Variants in CDH12 observed in about 807,000 individuals in gnomAD.
CDH12 encodes cadherin-12.
A neutral mutation model predicts 74.1 loss-of-function variants in CDH12; 41 were observed. That is an observed-to-expected ratio of 0.55 (90% CI 0.43 to 0.72). CDH12 has a LOEUF of 0.72. Ranked by LOEUF, CDH12 falls within the 30% of genes least tolerant of loss-of-function variation. CDH12 has a pLI of 0.00. For missense variants in CDH12, 945 were observed against 977.2 expected, an observed-to-expected ratio of 0.97 and a Z score of 0.44; for synonymous variants, 399 against 355.0, an observed-to-expected ratio of 1.12 and a Z score of -1.39.
At chr5:22,516,449 A>T (rs1736810216) in intron 1 of CDH12, among the ~76,000 whole-genome samples, 1 of 152,158 alleles carries the variant, frequency 6.6e-6, no homozygotes, top group African/African-American at 2.4e-5. Context: ...TAATCTATTG[A>T]TATTGGTAGT....
chr5:21,808,782 C>T (rs16888360), intron 9 of CDH12, among the ~76,000 whole-genome samples: 11,480 of 152,004 alleles, frequency 0.076, 554 homozygotes, highest in East Asian at 0.16. Context: ...CATATCTCAT[C>T]ATCATTGACA....
chr5:22,012,016 A>C (rs968103529), intron 5 of CDH12, among the ~76,000 whole-genome samples: 1 of 152,140 alleles, frequency 6.6e-6, no homozygotes, highest in Non-Finnish European at 1.5e-5. Context: ...GTATTATTGA[A>C]GTGCAGATTA....
At chr5:22,003,824 CAAAAAA>C (rs775995801) in intron 5 of CDH12, among the ~76,000 whole-genome samples, 14 of 47,398 alleles carry the variant, frequency 3.0e-4, no homozygotes, top group African/African-American at 7.6e-4. Context: ...CCCGCTTCCA[CAAAAAA>C]AAAAAAAAAA....
rs144082177 is a variant in CDH12, at chr5:22,718,180, G to A, written c.-523+134878C>T. On this transcript the variant is annotated intron_variant, in intron 1 of 14. Transcript: ENST00000382254. ...TCAGTTTAGGTATTGAGAAAGTAAT[G>A]TAAATATCCAGTTATAGAATTTAGA... 2.8e-4 allele frequency among the ~76,000 whole-genome samples: 43 copies of A among 152,298 alleles called. No individual in the cohort carries two copies. The East Asian group carries it at 5.0e-3, about 18-fold the overall frequency.
At chr5:22,493,133 TC>T (rs1441144717) in intron 2 of CDH12, among the ~76,000 whole-genome samples, 1 of 152,236 alleles carries the variant, frequency 6.6e-6, no homozygotes, top group Non-Finnish European at 1.5e-5. Context: ...CATCGTGGAT[TC>T]CTCTCAGTTA....
At chr5:22,698,411 G>A (rs1193388212) in intron 1 of CDH12, among the ~76,000 whole-genome samples, 4 of 151,248 alleles carry the variant, frequency 2.6e-5, no homozygotes, top group Admixed American at 1.3e-4. Context: ...GTGAGCCACC[G>A]TGTCTGGCCA....
At chr5:22,530,006 C>T (rs529643215) in intron 1 of CDH12, among the ~76,000 whole-genome samples, 1 of 152,146 alleles carries the variant, frequency 6.6e-6, no homozygotes, top group African/African-American at 2.4e-5. Flanking sequence ...TGAAATTAAG[C>T]TTAGGATTCC....
chr5:22,434,531 A>G (rs1419353559), intron 2 of CDH12, among the ~76,000 whole-genome samples: 2 of 152,086 alleles, frequency 1.3e-5, no homozygotes, highest in African/African-American at 4.8e-5. Flanking sequence ...CTCCAAAATG[A>G]TTTTCATACC....
intron 1 of CDH12, among the ~76,000 whole-genome samples, chr5:22,600,417 T>C (rs1736802984): frequency 6.6e-6 from 1 of 152,152 alleles, no homozygotes; most frequent in Admixed American, 6.5e-5. Context: ...ATCTCTAGTT[T>C]TAGCAAGTAT....
chr5:21,895,726 G>C (rs577851358), intron 6 of CDH12, among the ~76,000 whole-genome samples: 1 of 152,270 alleles, frequency 6.6e-6, no homozygotes, highest in South Asian at 2.1e-4. Flanking sequence ...CTACCATTCT[G>C]GAGAGAATCT....
intron 1 of CDH12, among the ~76,000 whole-genome samples, chr5:22,740,976 G>A (rs989334997): frequency 2.0e-5 from 3 of 152,072 alleles, no homozygotes; most frequent in African/African-American, 7.2e-5. Flanking sequence ...GAAACAATAG[G>A]GGATTTCAAG....
chr5:21,980,346 T>C (rs1421038750), intron 5 of CDH12, among the ~76,000 whole-genome samples: 3 of 152,062 alleles, frequency 2.0e-5, no homozygotes, highest in Non-Finnish European at 4.4e-5. Flanking sequence ...AGTTACCACA[T>C]ATGGCTCTTA....
At chr5:22,592,651 C>T (rs546237363) in intron 1 of CDH12, among the ~76,000 whole-genome samples, 151 of 151,938 alleles carry the variant, frequency 9.9e-4, no homozygotes, top group African/African-American at 3.4e-3. Context: ...ACCTTTATTG[C>T]TTCATTTTTA....
At chr5:22,154,210 T>A (rs1747843824) in intron 4 of CDH12, among the ~76,000 whole-genome samples, 1 of 151,122 alleles carries the variant, frequency 6.6e-6, no homozygotes, top group African/African-American at 2.4e-5. Flanking sequence ...AACATATACA[T>A]CACCTCTCAT....
rs150129843 is a variant in CDH12 at position 22,626,255 on chromosome 5, A to C, written c.-522-120891T>G. On this transcript the variant is annotated intron_variant, in intron 1 of 14. Transcript: ENST00000382254. ...CCCCCAGCTGACAGAGCGCACCCTGATGCATCACTGCAGCTTCTGACACAT... is the reference window on the plus strand; with the variant it reads ...CCCCCAGCTGACAGAGCGCACCCTGCTGCATCACTGCAGCTTCTGACACAT... Among the ~76,000 whole-genome samples, 551 of 152,282 alleles carry C rather than the reference A, an allele frequency of 3.6e-3. 1 individual carries two copies. Among genetic ancestry groups the C allele is most frequent in the African/African-American group, 0.01 (424 of 41,578 alleles).
chr5:22,601,546 A>T (rs1022409626), intron 1 of CDH12, among the ~76,000 whole-genome samples: 1 of 152,076 alleles, frequency 6.6e-6, no homozygotes, highest in Non-Finnish European at 1.5e-5. Flanking sequence ...AACTAATCAC[A>T]CATCACAGAG....
At chr5:22,425,172 AATAT>A (rs1491328055) in intron 2 of CDH12, among the ~76,000 whole-genome samples, 2 of 83,454 alleles carry the variant, frequency 2.4e-5, no homozygotes, top group Non-Finnish European at 5.0e-5. Context: ...TATATATATA[AATAT>A]ATATATATAT....
At chr5:22,800,531 C>A (rs1370495858) in intron 1 of CDH12, among the ~76,000 whole-genome samples, 4 of 152,108 alleles carry the variant, frequency 2.6e-5, no homozygotes, top group Non-Finnish European at 5.9e-5. Context: ...ACATTTGTTA[C>A]AATTGATGAA....
intron 3 of CDH12, among the ~76,000 whole-genome samples, chr5:22,348,212 A>C (rs1043518089): frequency 6.6e-6 from 1 of 152,168 alleles, no homozygotes; most frequent in Admixed American, 6.5e-5. Context: ...GGCTTCTGAC[A>C]TTTTACTGAG....
Sources: allele counts gnomAD v4.1 joint callset (sites outside exome capture counted in the v4.1 genomes callset), GRCh38; gene constraint gnomAD v4.1.1; transcripts MANE v1.5; gene names NCBI Gene and HGNC (gene_info 2026-07-23, HGNC 2026-07-21).